Variants in LRP11 observed in about 807,000 individuals in gnomAD.
The protein encoded by LRP11 is low-density lipoprotein receptor-related protein 11.
Under a neutral mutation model 43.1 loss-of-function variants are expected in LRP11, and 25 were observed. The ratio of observed to expected loss-of-function variants is 0.58; its 90% CI spans 0.42 to 0.81. The LOEUF is 0.81. Among genes scored for constraint, LRP11 ranks in the 30% least tolerant of loss-of-function variants. The pLI is 0.00. For synonymous variants in LRP11, 316 were observed against 299.4 expected, an observed-to-expected ratio of 1.06 and a Z score of -0.57; for missense variants, 623 against 665.1, an observed-to-expected ratio of 0.94 and a Z score of 0.70.
intron 5 of LRP11, among the ~76,000 whole-genome samples, chr6:149,829,523 T>C (rs960016691): frequency 6.6e-6 from 1 of 151,774 alleles, no homozygotes; most frequent in African/African-American, 2.4e-5. Flanking sequence ...ACAGCGCCAC[T>C]GCATTCCAGC....
intron 6 of LRP11, 40 bp from the exon 7 acceptor site, chr6:149,820,743 T>G (rs1355797414): frequency 1.3e-6 from 1 of 776,964 alleles, no homozygotes; most frequent in African/African-American, 1.7e-5. Flanking sequence ...AGCCAGTGAT[T>G]AGTCACAGTG....
At chr6:149,860,815 GAGAAAGCA>G (rs1314591792) in intron 1 of LRP11, among the ~76,000 whole-genome samples, 7 of 152,178 alleles carry the variant, frequency 4.6e-5, no homozygotes. Context: ...GGTGCTGCTG[GAGAAAGCA>G]TAGGAGTTCA....
intron 1 of LRP11, among the ~76,000 whole-genome samples, chr6:149,859,573 T>C (rs1010541189): frequency 6.6e-6 from 1 of 151,598 alleles, no homozygotes; most frequent in Non-Finnish European, 1.5e-5. Flanking sequence ...TTTTTCTATT[T>C]TTAGTACAGA....
chr6:149,861,319 G>A (rs1486345082), intron 1 of LRP11, among the ~76,000 whole-genome samples: 1 of 152,118 alleles, frequency 6.6e-6, no homozygotes, highest in African/African-American at 2.4e-5. Flanking sequence ...CACCTTCCGC[G>A]TTTCCATGTT....
intron 3 of LRP11, among the ~76,000 whole-genome samples, chr6:149,842,400 G>A (rs1281440944): frequency 6.6e-6 from 1 of 152,070 alleles, no homozygotes; most frequent in Non-Finnish European, 1.5e-5. Flanking sequence ...ATCTTTTTGT[G>A]ATGACAACAT....
chr6:149,839,050 G>GGTTTTTTTTT (rs1211208163), intron 3 of LRP11, among the ~76,000 whole-genome samples: 1 of 150,150 alleles, frequency 6.7e-6, no homozygotes, highest in Non-Finnish European at 1.5e-5. Context: ...ACATACACTT[G>GGTTTTTTTTT]GTTTTTTTTT....
At position 149,843,264 on chromosome 6, in the gene LRP11, TCA is replaced by T. The variant is rs1028118403; in HGVS notation, c.772-142_772-141del. On this transcript the variant is annotated intron_variant, in intron 2 of 6. Coordinates refer to ENST00000239367, the MANE Select transcript of LRP11 (RefSeq NM_032832.6). ...TCCGGCCCGAGGCTGCTGAACTACA[TCA>T]CACACTGTTGGCAGCTGGCCCACCT... 74 of 848,468 alleles carry T rather than the reference TCA, an allele frequency of 8.7e-5. No homozygotes were observed. The South Asian group carries it at 1.1e-3, about 13-fold the overall frequency. 52.6% of individuals were successfully genotyped at this position (848,468 alleles called of 1,614,324 possible). A position where few individuals can be genotyped will look rare whatever the true frequency, so the allele number is the denominator to read the frequency against.
chr6:149,829,530 C>T (rs1776382491), intron 5 of LRP11, among the ~76,000 whole-genome samples: 1 of 151,656 alleles, frequency 6.6e-6, no homozygotes, highest in East Asian at 1.9e-4. Flanking sequence ...CACTGCATTC[C>T]AGCCTGGGTA....
Position 149,826,351 on chromosome 6 carries a change from AACT to A in LRP11, c.1258_1260del (p.Ser422del). On this transcript the variant is annotated inframe_deletion, in exon 6 of 7. Transcript: ENST00000239367. ...TCCTCTTTTCTGTTCTTCCCTGAGG[AACT>A]ACTATCTGCAGAAAAGAAAGAGAAC... 1.9e-6 allele frequency: 3 copies of A among 1,610,468 alleles called. No homozygotes were observed. Among genetic ancestry groups the A allele is most frequent in the Non-Finnish European group, 2.5e-6 (3 of 1,176,760 alleles).
chr6:149,850,253 G>A (rs888197709), intron 2 of LRP11, among the ~76,000 whole-genome samples: 5 of 152,094 alleles, frequency 3.3e-5, no homozygotes, highest in African/African-American at 4.8e-5. Context: ...GCTTGAGGGC[G>A]GAGTGCATCA....
chr6:149,854,030 T>C (rs182310795), intron 1 of LRP11, among the ~76,000 whole-genome samples: 5 of 152,302 alleles, frequency 3.3e-5, no homozygotes, highest in Non-Finnish European at 5.9e-5. Context: ...TCTAGGAAAA[T>C]TGAAGACGTT....
chr6:149,859,901 G>C (rs960452465), intron 1 of LRP11, among the ~76,000 whole-genome samples: 1 of 151,974 alleles, frequency 6.6e-6, no homozygotes, highest in African/African-American at 2.4e-5. Flanking sequence ...GTAATCTATG[G>C]CTTAATTTAA....
intron 5 of LRP11, among the ~76,000 whole-genome samples, chr6:149,834,091 C>A (rs1776441764): frequency 1.3e-5 from 2 of 152,156 alleles, no homozygotes; most frequent in African/African-American, 4.8e-5. Context: ...GTGTTCTCAT[C>A]ATTCGGCTTC....
Position 149,818,826 on chromosome 6 carries a change from T to C in LRP11, c.*1723A>G, listed in dbSNP as rs976188349. On this transcript the variant is annotated 3_prime_UTR_variant, in exon 7 of 7. Transcript: ENST00000239367. ...AATAAAATACAATTTATTAAAGGAA[T>C]CATGTTTACATAGATACAGAACATC... 4.6e-5 allele frequency: 7 copies of C among 152,452 alleles called. No homozygotes were observed. Among genetic ancestry groups the C allele is most frequent in the African/African-American group, 1.4e-4 (6 of 41,452 alleles). 9.4% of individuals were successfully genotyped at this position (152,452 alleles called of 1,614,324 possible).
At position 149,863,560 on chromosome 6, in the gene LRP11, G is replaced by C. The variant is rs914107506; in HGVS notation, c.461C>G (p.Pro154Arg). ...GAGGTAGCAGCCGAGCACGGCTGCC[G>C]GGGGCGCGGGGCGCCGGGGCAGCTC... ...VVELPRRPAP[P>R]AAVLGCYLFN... is the part of the protein sequence containing the mutation. The change falls in exon 1 of 7, where the codon CCG becomes CGG. Residue 154 changes from proline to arginine, a missense_variant. Transcript: ENST00000239367. 2.2e-6 allele frequency: 3 copies of C among 1,377,198 alleles called. No homozygotes were observed. The highest frequency in any genetic ancestry group is 1.5e-5 in the African/African-American group (1 of 65,604). The allele number at this position is 1,377,198 out of a possible 1,614,324, so 85.3% of individuals were successfully genotyped here. A position where few individuals can be genotyped will look rare whatever the true frequency, so the allele number is the denominator to read the frequency against.
At chr6:149,858,423 A>G (rs9383874) in intron 1 of LRP11, among the ~76,000 whole-genome samples, 50,178 of 151,982 alleles carry the variant, frequency 0.33, 9,673 homozygotes, top group East Asian at 0.82. Flanking sequence ...TATGTGCCAC[A>G]TTTTCTTAAT....
chr6:149,838,740 A>C (rs1325388647), intron 3 of LRP11, among the ~76,000 whole-genome samples: 1 of 151,684 alleles, frequency 6.6e-6, no homozygotes. Context: ...AGTTCTTAGG[A>C]GCTTTTAATT....
chr6:149,863,503 C>T lies in LRP11; in HGVS notation c.518G>A (p.Cys173Tyr). 7.4e-7 allele frequency: 1 copy of T among 1,347,470 alleles called. No homozygotes were observed. Among genetic ancestry groups the T allele is most frequent in the Non-Finnish European group, 9.4e-7 (1 of 1,058,390 alleles). 83.5% of individuals were successfully genotyped at this position (1,347,470 alleles called of 1,614,324 possible). The change falls in exon 1 of 7, where the codon TGC becomes TAC. Residue 173 changes from cysteine (C) to tyrosine (Y), a missense_variant. Cys to Tyr is a radical substitution (Grantham distance 194). Coordinates refer to ENST00000239367, the MANE Select transcript of LRP11 (RefSeq NM_032832.6). ...FNCTARGRNV[C>Y]KFALHSGYSS... ...GTAGCCGCTGTGCAGCGCGAACTTG[C>T]AGACGTTGCGGCCGCGCGCCGTGCA...
chr6:149,862,968 A>C (rs1432775209), intron 1 of LRP11, among the ~76,000 whole-genome samples: 1 of 152,142 alleles, frequency 6.6e-6, no homozygotes, highest in Non-Finnish European at 1.5e-5. Context: ...TTTTTGTATG[A>C]TGAAAGCCAC....
Sources: allele counts gnomAD v4.1 joint callset (sites outside exome capture counted in the v4.1 genomes callset), GRCh38; gene constraint gnomAD v4.1.1; transcripts MANE v1.5; gene names NCBI Gene and HGNC (gene_info 2026-07-23, HGNC 2026-07-21).